AADACL4: variants seen among roughly 807,000 people sequenced by gnomAD.
AADACL4 encodes arylacetamide deacetylase-like 4.
Under a neutral mutation model 14.1 loss-of-function variants are expected in AADACL4, and 9 were observed. The observed-to-expected ratio is 0.64, with a 90% CI of 0.39 to 1.12. The LOEUF is 1.12. Among genes scored for constraint, AADACL4 ranks in the 50% most tolerant of loss-of-function variants. The pLI, the probability that AADACL4 is intolerant of heterozygous loss-of-function variation, is 0.01. For synonymous variants in AADACL4, 188 were observed against 201.6 expected, an observed-to-expected ratio of 0.93 and a Z score of 0.57; for missense variants, 531 against 516.1, an observed-to-expected ratio of 1.03 and a Z score of -0.28.
chr1:12,653,426 TG>T (rs1236756742), intron 2 of AADACL4, among the ~76,000 whole-genome samples: 1 of 152,256 alleles, frequency 6.6e-6, no homozygotes, highest in Non-Finnish European at 1.5e-5. Flanking sequence ...TAGGTATCCC[TG>T]GATGGAGTCC....
chr1:12,647,612 A>G (rs956189223), intron 1 of AADACL4, among the ~76,000 whole-genome samples: 1 of 152,026 alleles, frequency 6.6e-6, no homozygotes, highest in African/African-American at 2.4e-5. Context: ...AAATATATAA[A>G]CAGTAATATA....
At chr1:12,650,895 C>A (rs1261780072) in intron 1 of AADACL4, among the ~76,000 whole-genome samples, 3 of 152,142 alleles carry the variant, frequency 2.0e-5, no homozygotes, top group Non-Finnish European at 4.4e-5. Context: ...TACCCTTTGG[C>A]AAATTCACAT....
rs1230998839 is a variant in AADACL4, at chr1:12,652,292, C to G, written c.385+953C>G. On this transcript the variant is annotated intron_variant, in intron 2 of 3. Coordinates refer to ENST00000376221, the MANE Select transcript of AADACL4 (RefSeq NM_001013630.2). The stretch of plus-strand genomic sequence containing the variant: ...AGTCCCAATACGCGTCTATCTGCTG[C>G]AGACACTTAAGCTCCTTCTCACCAC... Among the ~76,000 whole-genome samples, 3 of 152,216 alleles carry G rather than the reference C, an allele frequency of 2.0e-5. No homozygotes were observed. The East Asian group carries it at 5.8e-4, about 29-fold the overall frequency.
At position 12,666,211 on chromosome 1, in the gene AADACL4, T is replaced by C; in HGVS notation, c.700T>C (p.Ser234Pro). The change falls in exon 4 of 4, where the codon TCC becomes CCC. Residue 234 changes from serine to proline, a missense_variant. Ser to Pro is a moderately conservative substitution (Grantham distance 74, BLOSUM62 -1). Transcript: ENST00000376221. ...CCAGGCATTCTGTTTGCAGTTGCCA[T>C]CCTTTCAGCAGAACCAAAATGTCCC... ...VVQAFCLQLP[S>P]FQQNQNVPLL... 6.2e-7 allele frequency: 1 copy of C among 1,614,248 alleles called. No homozygotes were observed. The highest frequency in any genetic ancestry group is 8.5e-7 in the Non-Finnish European group (1 of 1,180,044).
intron 2 of AADACL4, among the ~76,000 whole-genome samples, chr1:12,654,591 C>T (rs1391995444): frequency 6.6e-6 from 1 of 151,996 alleles, no homozygotes; most frequent in Non-Finnish European, 1.5e-5. Flanking sequence ...ATTGGGATGG[C>T]TAGGAAGTCC....
intron 2 of AADACL4, among the ~76,000 whole-genome samples, chr1:12,653,621 T>A (rs946344709): frequency 1.3e-5 from 2 of 152,174 alleles, no homozygotes; most frequent in African/African-American, 4.8e-5. Flanking sequence ...TACAATGGCT[T>A]AGTAATGAGC....
At chr1:12,650,993 G>A in intron 1 of AADACL4, 130 bp from the exon 2 acceptor site, 3 of 847,180 alleles carry the variant, frequency 3.5e-6, no homozygotes, top group Admixed American at 2.5e-5. Context: ...GATTCCTGAA[G>A]AGCCCCCTGT....
rs146869817 is a variant in AADACL4 at position 12,649,193 on chromosome 1, T to C, written c.169-1930T>C. Among the ~76,000 whole-genome samples the C allele has an allele frequency of 2.6e-3, 394 of 152,288 alleles. 4 individuals are homozygous for C. Among genetic ancestry groups the C allele is most frequent in the African/African-American group, 4.7e-3 (196 of 41,550 alleles). On this transcript the variant is annotated intron_variant, in intron 1 of 3. Coordinates refer to ENST00000376221, the MANE Select transcript of AADACL4 (RefSeq NM_001013630.2). Reference sequence around the variant, plus strand: ...GTACTGAGGGCCTCCAAGAAGGCAGTGGCCATTACTATGAGAGGGAGGAGG... The same window carrying C: ...GTACTGAGGGCCTCCAAGAAGGCAGCGGCCATTACTATGAGAGGGAGGAGG...
At position 12,664,979 on chromosome 1, in the gene AADACL4, C is replaced by T. The variant is rs532848529; in HGVS notation, c.450-982C>T. 1.6e-3 allele frequency among the ~76,000 whole-genome samples: 244 copies of T among 152,224 alleles called. 1 individual carries two copies. The highest frequency in any genetic ancestry group is 5.6e-3 in the African/African-American group (232 of 41,544). On this transcript the variant is annotated intron_variant, in intron 3 of 3. Transcript: ENST00000376221. The stretch of plus-strand genomic sequence containing the variant: ...GTGTTCTTCACCAGCTGCTGGCACC[C>T]GGGTCTTCTGCAGCTTGAGCTGTGG...
chr1:12,658,056 CCTTT>C (rs1382909794), intron 2 of AADACL4, among the ~76,000 whole-genome samples: 18 of 142,022 alleles, frequency 1.3e-4, no homozygotes, highest in African/African-American at 2.7e-4. Flanking sequence ...TTCCTTCCTT[CCTTT>C]CTTTTTCTCT....
chr1:12,658,139 C>CCTTCCTTTCTTTCTTT (rs1439797569), intron 2 of AADACL4, among the ~76,000 whole-genome samples: 6 of 84,932 alleles, frequency 7.1e-5, no homozygotes, highest in Middle Eastern at 6.3e-3. Context: ...TTCCTTCCTT[C>CCTTCCTTTCTTTCTTT]CTTTCTTTCT....
rs559737098 is a variant in AADACL4 at position 12,644,218 on chromosome 1, A to G, written c.-329A>G. On this transcript the variant is annotated 5_prime_UTR_variant, in exon 1 of 4. Coordinates refer to ENST00000376221, the MANE Select transcript of AADACL4 (RefSeq NM_001013630.2). ...TGGAGGCCTATATAACCCATATGAG[A>G]TCTCTTTCTAGGGTTCCCAGGAGCC... Among the ~76,000 whole-genome samples, 1 of 152,168 alleles carries G rather than the reference A, an allele frequency of 6.6e-6. No individual in the cohort carries two copies. The highest frequency in any genetic ancestry group is 1.5e-5 in the Non-Finnish European group (1 of 68,000).
chr1:12,654,507 T>C (rs1240357306), intron 2 of AADACL4, among the ~76,000 whole-genome samples: 1 of 152,198 alleles, frequency 6.6e-6, no homozygotes, highest in Non-Finnish European at 1.5e-5. Context: ...CTCCTGTTTT[T>C]CTGAGGCTGA....
rs199871463 is a variant in AADACL4 at position 12,666,104 on chromosome 1, C to T, written c.593C>T (p.Ala198Val). The T allele has an allele frequency of 2.8e-4, 449 of 1,614,248 alleles. No homozygotes were observed. The highest frequency in any genetic ancestry group is 4.3e-4 in the African/African-American group (32 of 75,074). ...TGTGGAGAAAGCGTCGGAGGTGCAGCGGTGGCCGCCATCACCCAGGCCTTG... is the reference window on the plus strand; with the variant it reads ...TGTGGAGAAAGCGTCGGAGGTGCAGTGGTGGCCGCCATCACCCAGGCCTTG... ...VVCGESVGGAAVAAITQALVG... is the reference protein window; with the variant it reads ...VVCGESVGGAVVAAITQALVG... The change falls in exon 4 of 4, where the codon GCG becomes GTG. Residue 198 changes from alanine to valine, a missense_variant. Coordinates refer to ENST00000376221, the MANE Select transcript of AADACL4 (RefSeq NM_001013630.2).
At chr1:12,659,824 G>T (rs1374694945) in intron 2 of AADACL4, among the ~76,000 whole-genome samples, 1 of 151,956 alleles carries the variant, frequency 6.6e-6, no homozygotes, top group African/African-American at 2.4e-5. Context: ...TTATGTATTT[G>T]TTTGTTTATT....
At chr1:12,646,458 A>G (rs574826135) in intron 1 of AADACL4, among the ~76,000 whole-genome samples, 194 of 152,236 alleles carry the variant, frequency 1.3e-3, no homozygotes, top group Non-Finnish European at 2.4e-3. Context: ...TTCAGTGTGC[A>G]GTGGCATCAA....
chr1:12,666,038 C>A lies in AADACL4; in HGVS notation c.527C>A (p.Ala176Asp), dbSNP rs150017975. The change falls in exon 4 of 4, where the codon GCC becomes GAC. Residue 176 changes from alanine to aspartate, a missense_variant. Coordinates refer to ENST00000376221, the MANE Select transcript of AADACL4 (RefSeq NM_001013630.2). ...CMNASIHFLK[A>D]LETYGVDPSR... Reference sequence around the variant, plus strand: ...AATGCCTCCATTCACTTCCTGAAGGCCCTGGAAACCTATGGGGTGGACCCC... The same window carrying A: ...AATGCCTCCATTCACTTCCTGAAGGACCTGGAAACCTATGGGGTGGACCCC... 134 of 1,614,202 alleles carry A rather than the reference C, an allele frequency of 8.3e-5. No homozygotes were observed. The African/African-American group carries it at 1.6e-3, about 19-fold the overall frequency.
At chr1:12,648,365 C>CTTCCTTCA in intron 1 of AADACL4, among the ~76,000 whole-genome samples, 1 of 149,552 alleles carries the variant, frequency 6.7e-6, no homozygotes, top group Admixed American at 6.7e-5. Context: ...TCCTTCCTTC[C>CTTCCTTCA]TTCCTTCCTT....
At chr1:12,649,204 A>C (rs757728708) in intron 1 of AADACL4, among the ~76,000 whole-genome samples, 1 of 152,178 alleles carries the variant, frequency 6.6e-6, no homozygotes, top group Admixed American at 6.5e-5. Flanking sequence ...GGCCATTACT[A>C]TGAGAGGGAG....
Sources: gnomAD v4.1 joint callset for allele counts (sites outside exome capture counted in the v4.1 genomes callset) on GRCh38, gnomAD v4.1.1 for gene constraint, MANE v1.5 for transcripts, NCBI Gene and HGNC (gene_info 2026-07-23, HGNC 2026-07-21) for gene names.